The following UNC5D variants were observed in gnomAD, a reference collection of about 807,000 sequenced individuals.
UNC5D encodes the protein unc-5 netrin receptor D.
Under a neutral mutation model 105.4 loss-of-function variants are expected in UNC5D, and 39 were observed. The observed-to-expected ratio is 0.37, with a 90% CI of 0.29 to 0.48. UNC5D has a LOEUF of 0.48. Ranked by LOEUF, UNC5D falls within the 20% of genes least tolerant of loss-of-function variation. The probability of loss-of-function intolerance (pLI) is 0.98; values close to 1 mark genes in which losing one functional copy is unlikely to be tolerated. For missense variants in UNC5D, 991 were observed against 1,202.4 expected (o/e 0.82, Z 2.60); for synonymous variants, 452 against 450.4 (o/e 1.00, Z -0.04).
intron 4 of UNC5D, among the ~76,000 whole-genome samples, chr8:35,599,359 T>C (rs567274111): frequency 3.9e-5 from 6 of 152,086 alleles, no homozygotes; most frequent in Non-Finnish European, 8.8e-5. Context: ...TAAGAGTAGA[T>C]TTTAAGTGTT....
At chr8:35,605,565 C>T (rs960079235) in intron 4 of UNC5D, among the ~76,000 whole-genome samples, 2 of 152,298 alleles carry the variant, frequency 1.3e-5, no homozygotes, top group South Asian at 2.1e-4. Context: ...CTACTCTCTT[C>T]AAAGCTGTCA....
intron 16 of UNC5D, among the ~76,000 whole-genome samples, chr8:35,789,803 A>G (rs1802944355): frequency 6.6e-6 from 1 of 152,122 alleles, no homozygotes; most frequent in African/African-American, 2.4e-5. Flanking sequence ...GCCAAAGTAG[A>G]GAGGGGTCAA....
chr8:35,657,078 G>GTGTATATATATATATATATA (rs1017248571), intron 4 of UNC5D, among the ~76,000 whole-genome samples: 1 of 80,556 alleles, frequency 1.2e-5, no homozygotes, highest in Non-Finnish European at 2.3e-5. Flanking sequence ...GTGTGTGTGT[G>GTGTATATATATATATATATA]TGTATATATA....
intron 1 of UNC5D, among the ~76,000 whole-genome samples, chr8:35,426,997 A>T (rs529503842): frequency 5.9e-5 from 9 of 152,304 alleles, no homozygotes; most frequent in Admixed American, 3.3e-4. Flanking sequence ...ATGGAAGATG[A>T]TGAACGAGTT....
At chr8:35,478,591 T>G (rs1159276862) in intron 1 of UNC5D, among the ~76,000 whole-genome samples, 4 of 152,180 alleles carry the variant, frequency 2.6e-5, no homozygotes, top group Non-Finnish European at 5.9e-5. Context: ...ATTTCAACCA[T>G]AAGACCATGC....
At chr8:35,520,285 T>A (rs1231960715) in intron 1 of UNC5D, among the ~76,000 whole-genome samples, 1 of 152,106 alleles carries the variant, frequency 6.6e-6, no homozygotes, top group Non-Finnish European at 1.5e-5. Flanking sequence ...GAAAATACTA[T>A]GCTAAGTGAA....
intron 1 of UNC5D, among the ~76,000 whole-genome samples, chr8:35,279,965 G>C (rs1350467591): frequency 6.6e-6 from 1 of 152,170 alleles, no homozygotes; most frequent in Non-Finnish European, 1.5e-5. Flanking sequence ...CCAAGCATAT[G>C]AACATTATAA....
At chr8:35,470,182 A>AG (rs1809599436) in intron 1 of UNC5D, among the ~76,000 whole-genome samples, 1 of 152,196 alleles carries the variant, frequency 6.6e-6, no homozygotes, top group Non-Finnish European at 1.5e-5. Flanking sequence ...AAATAATTAC[A>AG]GTTCATTTAG....
At chr8:35,386,457 C>T (rs1803404392) in intron 1 of UNC5D, among the ~76,000 whole-genome samples, 1 of 152,000 alleles carries the variant, frequency 6.6e-6, no homozygotes, top group South Asian at 2.1e-4. Context: ...GTGATTTCTT[C>T]TGTTAATTGT....
At chr8:35,295,737 G>A (rs1807434428) in intron 1 of UNC5D, among the ~76,000 whole-genome samples, 2 of 152,040 alleles carry the variant, frequency 1.3e-5, no homozygotes, top group African/African-American at 2.4e-5. Flanking sequence ...ACATAATATG[G>A]TATTATTAAC....
intron 4 of UNC5D, among the ~76,000 whole-genome samples, chr8:35,659,626 C>T (rs1318597741): frequency 1.3e-5 from 2 of 152,142 alleles, no homozygotes; most frequent in Non-Finnish European, 1.5e-5. Context: ...GCATGCACAC[C>T]GACATGCATG....
intron 1 of UNC5D, among the ~76,000 whole-genome samples, chr8:35,501,338 T>C (rs1811960116): frequency 1.3e-5 from 2 of 152,250 alleles, no homozygotes; most frequent in Non-Finnish European, 2.9e-5. Context: ...GCCCTAGTTG[T>C]AGCTTTTGTA....
At chr8:35,681,983 C>A (rs4739308) in intron 4 of UNC5D, among the ~76,000 whole-genome samples, 1 of 151,594 alleles carries the variant, frequency 6.6e-6, no homozygotes, top group African/African-American at 2.4e-5. Flanking sequence ...GGGGGAGGGG[C>A]GGACGGAGTC....
chr8:35,673,141 G>T (rs149017358), intron 4 of UNC5D, among the ~76,000 whole-genome samples: 120 of 152,316 alleles, frequency 7.9e-4, no homozygotes, highest in African/African-American at 2.6e-3. Context: ...TGAAGAAACT[G>T]CAGTGTAGGT....
intron 1 of UNC5D, among the ~76,000 whole-genome samples, chr8:35,524,730 C>A (rs71513761): frequency 6.7e-6 from 1 of 149,904 alleles, no homozygotes; most frequent in African/African-American, 2.5e-5. Context: ...CTGGTCTCAA[C>A]TTAAGAATCA....
At chr8:35,263,487 T>C (rs1804627858) in intron 1 of UNC5D, among the ~76,000 whole-genome samples, 1 of 152,106 alleles carries the variant, frequency 6.6e-6, no homozygotes, top group Non-Finnish European at 1.5e-5. Flanking sequence ...CTTGAACTCC[T>C]GGGTTCATGT....
chr8:35,476,299 C>G (rs964657013), intron 1 of UNC5D, among the ~76,000 whole-genome samples: 2 of 152,136 alleles, frequency 1.3e-5, no homozygotes, highest in Non-Finnish European at 2.9e-5. Flanking sequence ...CTCCCAACAC[C>G]CGAGTTATAA....
chr8:35,401,669 G>A (rs1212300669), intron 1 of UNC5D, among the ~76,000 whole-genome samples: 1 of 152,122 alleles, frequency 6.6e-6, no homozygotes. Flanking sequence ...TCCCTAAACT[G>A]AAAGTTGGTG....
chr8:35,469,600 A>G (rs1194125663), intron 1 of UNC5D, among the ~76,000 whole-genome samples: 1 of 152,222 alleles, frequency 6.6e-6, no homozygotes, highest in Non-Finnish European at 1.5e-5. Context: ...TTACCTTTCC[A>G]GAGCACGATA....
Sources: gnomAD v4.1 joint callset for allele counts (sites outside exome capture counted in the v4.1 genomes callset) on GRCh38, gnomAD v4.1.1 for gene constraint, MANE v1.5 for transcripts, NCBI Gene and HGNC (gene_info 2026-07-23, HGNC 2026-07-21) for gene names.